TVP23A: variants seen among roughly 807,000 people sequenced by gnomAD.
The protein encoded by TVP23A is Golgi apparatus membrane protein TVP23 homolog A.
TVP23A carries 21 observed loss-of-function variants against 31.7 expected under a neutral mutation model. The observed-to-expected ratio is 0.66, with a 90% CI of 0.47 to 0.95. The LOEUF (loss-of-function observed/expected upper bound fraction) is 0.95, where lower values mean the gene tolerates loss of function less well. Ranked by LOEUF, TVP23A falls within the 40% of genes least tolerant of loss-of-function variation. The pLI is 0.00. For missense variants in TVP23A, 279 were observed against 255.6 expected (o/e 1.09, Z -0.62); for synonymous variants, 104 against 96.0 (o/e 1.08, Z -0.49).
chr16:10,775,515 C>T, intron 2 of TVP23A: 1 of 1,043,458 alleles, frequency 9.6e-7, no homozygotes, highest in Non-Finnish European at 1.2e-6. Context: ...GCCCACGGGG[C>T]AGGTGTCTCA....
chr16:10,771,486 G>A (rs1352358522), intron 6 of TVP23A, among the ~76,000 whole-genome samples, 184 bp downstream of exon 6: 1 of 152,160 alleles, frequency 6.6e-6, no homozygotes, highest in African/African-American at 2.4e-5. Context: ...AATAGGCCGC[G>A]ATCACACCAT....
At chr16:10,811,075 G>T (rs1479879025) in intron 2 of TVP23A, among the ~76,000 whole-genome samples, 1 of 152,124 alleles carries the variant, frequency 6.6e-6, no homozygotes, top group Non-Finnish European at 1.5e-5. Context: ...GTAGACTAGT[G>T]GTTCCCAGGG....
At chr16:10,762,767 C>T (rs114972618), downstream of TVP23A, among the ~76,000 whole-genome samples, 121 of 147,004 alleles carry the variant, frequency 8.2e-4, no homozygotes, top group African/African-American at 2.9e-3. Context: ...AGAGAGGGGC[C>T]GGGCGGGTGA....
rs568420949 is a variant in TVP23A at position 10,768,231 on chromosome 16, T to C, written c.*871A>G. The C allele has an allele frequency of 1.8e-5, 8 of 447,348 alleles. No individual in the cohort carries two copies. Among genetic ancestry groups the C allele is most frequent in the Admixed American group, 1.2e-4 (3 of 25,838 alleles). 27.7% of individuals were successfully genotyped at this position (447,348 alleles called of 1,614,324 possible). On this transcript the variant is annotated 3_prime_UTR_variant, in exon 8 of 8. Transcript: ENST00000299866. The surrounding 1 kb of genome is among the most constrained non-coding windows in gnomAD (Gnocchi z 4.3). ...GAATTAATTCATAGTTTAAAAAACATGGTGAGGGTGAAATTTATGGCTTAG... is the reference window on the plus strand; with the variant it reads ...GAATTAATTCATAGTTTAAAAAACACGGTGAGGGTGAAATTTATGGCTTAG...
At position 10,768,068 on chromosome 16, in the gene TVP23A, G is replaced by T; in HGVS notation, c.*1034C>A. On this transcript the variant is annotated 3_prime_UTR_variant, in exon 8 of 8. Coordinates refer to ENST00000299866, the MANE Select transcript of TVP23A (RefSeq NM_001079512.4). This position sits in a 1 kb window ranked among gnomAD's most constrained non-coding sequence, Gnocchi z 4.3. ...CCATGAGTACTAAATGCAGATGCCT[G>T]TGGGGCAGGAAGCAACATAAAGGAG... 1 of 1,596,514 alleles carries T rather than the reference G, an allele frequency of 6.3e-7. No individual in the cohort carries two copies. Among genetic ancestry groups the T allele is most frequent in the South Asian group, 1.1e-5 (1 of 90,738 alleles).
Position 10,774,120 on chromosome 16 carries a change from G to T in TVP23A, c.243C>A (p.Thr81=), listed in dbSNP as rs760128291. The change falls in exon 4 of 8, where the codon ACC becomes ACA. Residue 81 remains threonine, a synonymous_variant. Transcript: ENST00000299866. ...ATCGAAGGCCCACCAGGAGTCTTCCGGTTACATTCTGAGAACAATAGACAA... is the reference window on the plus strand; with the variant it reads ...ATCGAAGGCCCACCAGGAGTCTTCCTGTTACATTCTGAGAACAATAGACAA... ...SLDFWSVKNV[T]GRLLVGLRWW... 2.5e-6 allele frequency: 4 copies of T among 1,608,486 alleles called. No individual in the cohort carries two copies. The East Asian group carries it at 6.7e-5, about 27-fold the overall frequency.
intron 2 of TVP23A, among the ~76,000 whole-genome samples, chr16:10,802,282 GTGTA>G (rs779897518): frequency 0.014 from 1,249 of 90,902 alleles, 6 homozygotes; most frequent in African/African-American, 0.045. Flanking sequence ...GTGTGTGTGT[GTGTA>G]TATGTGTGTG....
At chr16:10,798,149 A>AT (rs756826524) in intron 2 of TVP23A, among the ~76,000 whole-genome samples, 4 of 150,030 alleles carry the variant, frequency 2.7e-5, no homozygotes, top group Admixed American at 2.0e-4. Flanking sequence ...TTTAGTAGAG[A>AT]CGGGTTTCAC....
intron 2 of TVP23A, among the ~76,000 whole-genome samples, chr16:10,811,817 T>C (rs1233570720): frequency 7.0e-6 from 1 of 142,902 alleles, no homozygotes; most frequent in Non-Finnish European, 1.5e-5. Flanking sequence ...GGCAGGAGAA[T>C]GGCGTGAACC....
At chr16:10,776,703 T>C (rs1180665137) in intron 2 of TVP23A, among the ~76,000 whole-genome samples, 1 of 152,222 alleles carries the variant, frequency 6.6e-6, no homozygotes, top group Non-Finnish European at 1.5e-5. Context: ...AGTAAAGGAA[T>C]AAAGAATGGC....
chr16:10,805,217 A>G (rs188654754), intron 2 of TVP23A, among the ~76,000 whole-genome samples: 1 of 151,750 alleles, frequency 6.6e-6, no homozygotes, highest in African/African-American at 2.4e-5. Flanking sequence ...TTTTTAGTAG[A>G]GACAGGGTTT....
chr16:10,815,509 G>A (rs2034399040), intron 2 of TVP23A, among the ~76,000 whole-genome samples: 1 of 152,234 alleles, frequency 6.6e-6, no homozygotes, highest in Admixed American at 6.5e-5. Context: ...TCAACCGGGG[G>A]CAAGTTTGCC....
chr16:10,803,444 G>A (rs2033804601), intron 2 of TVP23A, among the ~76,000 whole-genome samples: 2 of 152,202 alleles, frequency 1.3e-5, no homozygotes, highest in African/African-American at 4.8e-5. Context: ...ACAAAGTTCT[G>A]CCCTCCCAGA....
At chr16:10,802,885 A>G (rs1821829086) in intron 2 of TVP23A, among the ~76,000 whole-genome samples, 1 of 152,206 alleles carries the variant, frequency 6.6e-6, no homozygotes, top group Non-Finnish European at 1.5e-5. Context: ...GCTAAATTTG[A>G]GATGTCATTT....
At chr16:10,803,818 T>C (rs1193942490) in intron 2 of TVP23A, among the ~76,000 whole-genome samples, 1 of 152,132 alleles carries the variant, frequency 6.6e-6, no homozygotes, top group African/African-American at 2.4e-5. Context: ...GAACACTGCT[T>C]AGCAGTGATG....
At chr16:10,800,030 T>TTTTTTC (rs1407349321) in intron 2 of TVP23A, among the ~76,000 whole-genome samples, 4 of 137,608 alleles carry the variant, frequency 2.9e-5, no homozygotes, top group Admixed American at 7.3e-5. Context: ...TTTTTTTTTT[T>TTTTTTC]TCGCACTGGC....
chr16:10,797,644 T>C (rs566772354), intron 2 of TVP23A, among the ~76,000 whole-genome samples: 1 of 152,154 alleles, frequency 6.6e-6, no homozygotes, highest in African/African-American at 2.4e-5. Flanking sequence ...GGATTGAACC[T>C]GGGTGGTGGA....
At chr16:10,795,677 A>C (rs1183448640) in intron 2 of TVP23A, among the ~76,000 whole-genome samples, 1 of 152,178 alleles carries the variant, frequency 6.6e-6, no homozygotes, top group Non-Finnish European at 1.5e-5. Flanking sequence ...TTCTCTACAA[A>C]GTGTACCGTG....
intron 2 of TVP23A, among the ~76,000 whole-genome samples, chr16:10,794,927 G>C (rs983431711): frequency 6.6e-6 from 1 of 152,106 alleles, no homozygotes; most frequent in Non-Finnish European, 1.5e-5. Context: ...TAACCACAGA[G>C]AGCTAGTAAC....
Sources: gnomAD v4.1 joint callset for allele counts (sites outside exome capture counted in the v4.1 genomes callset) on GRCh38, gnomAD v4.1.1 for gene constraint, Gnocchi (gnomAD v3.1) non-coding constraint, MANE v1.5 for transcripts, NCBI Gene and HGNC (gene_info 2026-07-23, HGNC 2026-07-21) for gene names.